Variants in MOB1B observed in about 807,000 individuals in gnomAD.
The protein encoded by MOB1B is MOB1 Mps One Binder homolog B.
Under a neutral mutation model 24.4 loss-of-function variants are expected in MOB1B, and 19 were observed. That is an observed-to-expected ratio of 0.78 (90% CI 0.54 to 1.14). The LOEUF is 1.14. Among genes scored for constraint, MOB1B ranks in the 50% most tolerant of loss-of-function variants. The pLI is 0.00. For synonymous variants in MOB1B, 76 were observed against 82.1 expected (o/e 0.93, Z 0.40); for missense variants, 243 against 259.6 (o/e 0.94, Z 0.44).
chr4:70,953,273 A>G (rs955195069), intron 1 of MOB1B, among the ~76,000 whole-genome samples: 1 of 152,106 alleles, frequency 6.6e-6, no homozygotes, highest in African/African-American at 2.4e-5. Flanking sequence ...AATGAGGAGC[A>G]TTATTGACCA....
chr4:70,933,206 A>G (rs1314027717), intron 1 of MOB1B, among the ~76,000 whole-genome samples: 1 of 152,134 alleles, frequency 6.6e-6, no homozygotes, highest in Non-Finnish European at 1.5e-5. Flanking sequence ...ATCTCAGGAG[A>G]ACAAAATCAC....
At chr4:70,930,646 A>C (rs1480671257) in intron 1 of MOB1B, among the ~76,000 whole-genome samples, 1 of 152,232 alleles carries the variant, frequency 6.6e-6, no homozygotes, top group South Asian at 2.1e-4. Flanking sequence ...GCATGATTGT[A>C]TGTGTGAAAC....
intron 2 of MOB1B, among the ~76,000 whole-genome samples, chr4:70,967,352 T>TC (rs1376814253): frequency 6.6e-6 from 1 of 152,192 alleles, no homozygotes; most frequent in Admixed American, 6.5e-5. Flanking sequence ...CAGGCTGGTC[T>TC]CCAACTTCTG....
chr4:70,926,982 G>C (rs1025913388), intron 1 of MOB1B, among the ~76,000 whole-genome samples: 1 of 142,984 alleles, frequency 7.0e-6, no homozygotes, highest in African/African-American at 2.6e-5. Context: ...GGGCAACAGA[G>C]CAAGACTCCG....
At chr4:70,981,803 A>G (rs569586338) in intron 5 of MOB1B, among the ~76,000 whole-genome samples, 177 bp from the exon 6 acceptor site, 1 of 152,352 alleles carries the variant, frequency 6.6e-6, no homozygotes, top group East Asian at 1.9e-4. Context: ...AAAGCATAAC[A>G]TCAGGAGTGC....
In MOB1B at chr4:70,902,535, A is replaced by G. The variant is rs987244421; in HGVS notation, c.-2A>G. On this transcript the variant is annotated 5_prime_UTR_variant, in exon 1 of 6. Coordinates refer to ENST00000309395, the MANE Select transcript of MOB1B (RefSeq NM_173468.4). ...GAGCCTGCAGCCTGCCCCGCGGCCAACATGAGCTTCTTGTTGTGAGTAGCC... is the reference window on the plus strand; with the variant it reads ...GAGCCTGCAGCCTGCCCCGCGGCCAGCATGAGCTTCTTGTTGTGAGTAGCC... 13 of 1,565,334 alleles carry G rather than the reference A, an allele frequency of 8.3e-6. No individual in the cohort carries two copies. The highest frequency in any genetic ancestry group is 1.4e-5 in the African/African-American group (1 of 73,898).
At chr4:70,975,414 T>TA in intron 4 of MOB1B, 128 bp downstream of exon 4, 1 of 1,398,372 alleles carries the variant, frequency 7.2e-7, no homozygotes, top group Non-Finnish European at 9.3e-7. Flanking sequence ...ATGTATATGT[T>TA]ACGCAGTTCC....
intron 2 of MOB1B, among the ~76,000 whole-genome samples, chr4:70,959,983 A>G (rs1420707877): frequency 2.6e-5 from 4 of 152,136 alleles, no homozygotes; most frequent in African/African-American, 9.7e-5. Context: ...TCCTGGGTTC[A>G]AGCGATTCTT....
chr4:70,962,314 A>G (rs1039207565), intron 2 of MOB1B, among the ~76,000 whole-genome samples: 5 of 152,252 alleles, frequency 3.3e-5, no homozygotes, highest in Non-Finnish European at 7.3e-5. Flanking sequence ...TTTGATGTCT[A>G]AATTGATCTC....
chr4:70,910,206 A>G (rs13139729), intron 1 of MOB1B, among the ~76,000 whole-genome samples: 8,095 of 150,784 alleles, frequency 0.054, 302 homozygotes, highest in Non-Finnish European at 0.084. Flanking sequence ...ATGCCCAGCT[A>G]ATTTTTGTGT....
At chr4:70,972,812 C>T (rs764461664) in intron 3 of MOB1B, among the ~76,000 whole-genome samples, 1 of 152,080 alleles carries the variant, frequency 6.6e-6, no homozygotes, top group Non-Finnish European at 1.5e-5. Flanking sequence ...CTCGCTCTTT[C>T]ACCCAGGCCG....
rs137936188 is a variant in MOB1B at position 70,916,222 on chromosome 4, G to A, written c.14+13672G>A. ...AGGTGAGAGTGTGACCAAAATTTAG[G>A]GCCTTAGTATCACTCTCAGTTACCA... On this transcript the variant is annotated intron_variant, in intron 1 of 5. Transcript: ENST00000309395. 6.6e-5 allele frequency among the ~76,000 whole-genome samples: 10 copies of A among 152,258 alleles called. No individual in the cohort carries two copies. In the East Asian group the frequency reaches 1.9e-3, roughly 29 times the overall value.
intron 1 of MOB1B, among the ~76,000 whole-genome samples, chr4:70,905,278 G>C (rs905094552): frequency 6.6e-6 from 1 of 150,456 alleles, no homozygotes; most frequent in African/African-American, 2.4e-5. Context: ...TCACTCTGTC[G>C]ACCAGGATGG....
rs1452525112 is a variant in MOB1B, at chr4:70,982,341, A to G, written c.*284A>G. 4.1e-6 allele frequency: 1 copy of G among 242,370 alleles called. No individual in the cohort carries two copies. Among genetic ancestry groups the G allele is most frequent in the East Asian group, 8.5e-5 (1 of 11,752 alleles). The allele number at this position is 242,370 out of a possible 1,614,324, so 15.0% of individuals were successfully genotyped here. On this transcript the variant is annotated 3_prime_UTR_variant, in exon 6 of 6. Transcript: ENST00000309395. ...TTTTTTAATAATATTGTGTGCTGCA[A>G]GAAAGTGCTTGTTGATTGAACTGCC...
chr4:70,946,741 A>T lies in MOB1B; in HGVS notation c.15-12133A>T, dbSNP rs571258934. Among the ~76,000 whole-genome samples, 23 of 152,276 alleles carry T rather than the reference A, an allele frequency of 1.5e-4. No individual in the cohort carries two copies. The East Asian group carries it at 4.4e-3, about 29-fold the overall frequency. The stretch of plus-strand genomic sequence containing the variant: ...GGGAAAAAGAAACACAAGTCACAGT[A>T]GGATCTGTGACCTGTGCTTTTTCCA... On this transcript the variant is annotated intron_variant, in intron 1 of 5. Coordinates refer to ENST00000309395, the MANE Select transcript of MOB1B (RefSeq NM_173468.4).
intron 1 of MOB1B, among the ~76,000 whole-genome samples, chr4:70,905,722 C>T (rs1735710871): frequency 6.6e-6 from 1 of 152,040 alleles, no homozygotes; most frequent in Non-Finnish European, 1.5e-5. Context: ...TGACTCATGA[C>T]TCTTGAGGGC....
At position 70,902,632 on chromosome 4, in the gene MOB1B, C is replaced by T; in HGVS notation, c.14+82C>T. On this transcript the variant is annotated intron_variant, in intron 1 of 5. Transcript: ENST00000309395. Reference sequence around the variant, plus strand: ...CCGCCGCCCGCCGCCCGTCGCCCGCCCTCGTCCCGACCCTCCTGGCCCAGC... The same window carrying T: ...CCGCCGCCCGCCGCCCGTCGCCCGCTCTCGTCCCGACCCTCCTGGCCCAGC... 2.9e-6 allele frequency: 4 copies of T among 1,386,166 alleles called. No individual in the cohort carries two copies. In the South Asian group the frequency reaches 4.1e-5, roughly 14 times the overall value. 85.9% of individuals were successfully genotyped at this position (1,386,166 alleles called of 1,614,324 possible). A position where few individuals can be genotyped will look rare whatever the true frequency, so the allele number is the denominator to read the frequency against.
At chr4:70,950,753 T>C in intron 1 of MOB1B, 1 of 1,534,402 alleles carries the variant, frequency 6.5e-7, no homozygotes. Flanking sequence ...ATTTATCGAA[T>C]ACCTGATCTG....
chr4:70,985,518 T>A lies in MOB1B; in HGVS notation c.*3461T>A, dbSNP rs1019092859. 2.0e-5 allele frequency: 3 copies of A among 152,096 alleles called. No individual in the cohort carries two copies. Among genetic ancestry groups the A allele is most frequent in the African/African-American group, 2.4e-5 (1 of 41,424 alleles). 9.4% of individuals were successfully genotyped at this position (152,096 alleles called of 1,614,324 possible). On this transcript the variant is annotated 3_prime_UTR_variant, in exon 6 of 6. Transcript: ENST00000309395. Reference sequence around the variant, plus strand: ...TAATATGACCTTTTTAAATTTTTTTTATTTTTTTTATTTTTATTTCTTTAA... The same window carrying A: ...TAATATGACCTTTTTAAATTTTTTTAATTTTTTTTATTTTTATTTCTTTAA...
Sources: allele counts gnomAD v4.1 joint callset (sites outside exome capture counted in the v4.1 genomes callset), GRCh38; gene constraint gnomAD v4.1.1; transcripts MANE v1.5; gene names NCBI Gene and HGNC (gene_info 2026-07-23, HGNC 2026-07-21).